The following UNC79 variants were observed in gnomAD, a reference collection of about 807,000 sequenced individuals.
The protein encoded by UNC79 is unc-79 subunit of NALCN channel complex.
A neutral mutation model predicts 283.1 loss-of-function variants in UNC79; 37 were observed. That is an observed-to-expected ratio of 0.13 (90% CI 0.10 to 0.17). The LOEUF (loss-of-function observed/expected upper bound fraction) is 0.17, where lower values mean the gene tolerates loss of function less well. Among genes scored for constraint, UNC79 ranks in the 10% least tolerant of loss-of-function variants. The pLI is 1.00. For synonymous variants in UNC79, 1,107 were observed against 1,200.2 expected (o/e 0.92, Z 1.61); for missense variants, 2,272 against 3,211.1 (o/e 0.71, Z 7.07).
intron 1 of UNC79, among the ~76,000 whole-genome samples, chr14:93,336,410 C>T (rs1411138590): frequency 6.6e-6 from 1 of 152,046 alleles, no homozygotes; most frequent in African/African-American, 2.4e-5. Flanking sequence ...GACGCAATCT[C>T]AGCTCAGTGC....
intron 1 of UNC79, among the ~76,000 whole-genome samples, chr14:93,422,363 A>G (rs1016166449): frequency 1.4e-5 from 2 of 147,240 alleles, no homozygotes; most frequent in Non-Finnish European, 3.1e-5. Context: ...ACCAAAGCTT[A>G]TCATGCAGAT....
chr14:93,435,643 T>G (rs1362859727), intron 1 of UNC79, among the ~76,000 whole-genome samples: 3 of 152,204 alleles, frequency 2.0e-5, no homozygotes, highest in African/African-American at 4.8e-5. Context: ...TACTTCTTTT[T>G]AGATCAGTCA....
chr14:93,581,743 C>T (rs1432540300), intron 19 of UNC79, among the ~76,000 whole-genome samples: 2 of 152,016 alleles, frequency 1.3e-5, no homozygotes, highest in African/African-American at 4.8e-5. Context: ...CCGCCCACCT[C>T]GGCCTCCCAA....
At chr14:93,665,547 T>C (rs2072097960) in intron 40 of UNC79, among the ~76,000 whole-genome samples, 1 of 152,000 alleles carries the variant, frequency 6.6e-6, no homozygotes, top group African/African-American at 2.4e-5. Context: ...CTGAAAGTAT[T>C]ATAAATAAAC....
intron 14 of UNC79, among the ~76,000 whole-genome samples, chr14:93,561,579 C>T (rs2062556663): frequency 6.6e-6 from 1 of 151,868 alleles, no homozygotes; most frequent in Non-Finnish European, 1.5e-5. Context: ...TTAGAAATGG[C>T]TAGGAGAGAG....
At chr14:93,603,874 A>G (rs2065695980) in intron 26 of UNC79, among the ~76,000 whole-genome samples, 1 of 152,156 alleles carries the variant, frequency 6.6e-6, no homozygotes, top group Non-Finnish European at 1.5e-5. Context: ...GCCCCCTAAG[A>G]CAAACCAATA....
rs34406486 is a variant in UNC79, at chr14:93,404,486, T to TAAAAAAAAAA, written c.-350-63177_-350-63176insAAAAAAAAAA. 3.1e-3 allele frequency among the ~76,000 whole-genome samples: 165 copies of TAAAAAAAAAA among 52,990 alleles called. 13 individuals carry two copies. Among genetic ancestry groups the TAAAAAAAAAA allele is most frequent in the Non-Finnish European group, 3.8e-3 (100 of 26,582 alleles). 34.8% of individuals were successfully genotyped at this position (52,990 alleles called of 152,430 possible). On this transcript the variant is annotated intron_variant, in intron 1 of 49. Coordinates refer to the UNC79 transcript ENST00000256339. ...GGCTGAATGACAGAGTGAGACCTTC[T>TAAAAAAAAAA]AAAAAAAATATATATATATATATAT...
intron 1 of UNC79, among the ~76,000 whole-genome samples, chr14:93,462,028 T>TA (rs2140222100): frequency 6.6e-6 from 1 of 151,028 alleles, no homozygotes; most frequent in South Asian, 2.1e-4. Context: ...AAAAATGGGC[T>TA]AGGTGTGGTG....
chr14:93,550,533 A>AAAAG (rs1555449177), intron 14 of UNC79, among the ~76,000 whole-genome samples: 30,582 of 122,152 alleles, frequency 0.25, 6,372 homozygotes, highest in East Asian at 0.66. Context: ...AAAAAAAAAA[A>AAAAG]AAAAAAAAGA....
Position 93,430,975 on chromosome 14 carries a change from A to T in UNC79, c.-55A>T. On this transcript the variant is annotated 5_prime_UTR_variant, in exon 1 of 49. Transcript: ENST00000555664. This position sits in a 1 kb window ranked among gnomAD's most constrained non-coding sequence, Gnocchi z 4.6. Reference sequence around the variant, plus strand: ...TCCTCGCAACATCGCTGGCGGAGCGAGGGAGCTCACACGACACAGATTTTG... The same window carrying T: ...TCCTCGCAACATCGCTGGCGGAGCGTGGGAGCTCACACGACACAGATTTTG... 1 of 698,038 alleles carries T rather than the reference A, an allele frequency of 1.4e-6. No homozygotes were observed. The highest frequency in any genetic ancestry group is 1.5e-5 in the South Asian group (1 of 67,398). The allele number at this position is 698,038 out of a possible 1,614,324, so 43.2% of individuals were successfully genotyped here.
intron 1 of UNC79, chr14:93,397,125 T>G (rs201213425): frequency 1.3e-5 from 2 of 151,872 alleles, no homozygotes; most frequent in African/African-American, 2.4e-5. Context: ...TTTGTTTATT[T>G]TTTATTTTAT....
intron 18 of UNC79, among the ~76,000 whole-genome samples, 158 bp from the exon 19 acceptor site, chr14:93,579,991 A>G (rs978317798): frequency 3.3e-5 from 5 of 152,226 alleles, no homozygotes; most frequent in African/African-American, 1.2e-4. Flanking sequence ...ATGGTCTTGA[A>G]GCCTATATTG....
chr14:93,505,006 G>T (rs2059458200), intron 7 of UNC79, among the ~76,000 whole-genome samples: 1 of 151,906 alleles, frequency 6.6e-6, no homozygotes, highest in African/African-American at 2.4e-5. Context: ...AACATACTTT[G>T]TATTATTTCA....
intron 1 of UNC79, among the ~76,000 whole-genome samples, chr14:93,404,505 T>TATATATAAATATATAC (rs2055183632): frequency 2.1e-5 from 2 of 97,464 alleles, no homozygotes; most frequent in East Asian, 4.8e-4. Context: ...TATATATATA[T>TATATATAAATATATAC]ATATATATAA....
chr14:93,465,348 G>A (rs2057130720), intron 1 of UNC79, among the ~76,000 whole-genome samples: 1 of 152,118 alleles, frequency 6.6e-6, no homozygotes, highest in Non-Finnish European at 1.5e-5. Flanking sequence ...TGAATATATT[G>A]AGTCCCTACT....
chr14:93,529,397 T>A lies in UNC79; in HGVS notation c.1093+71T>A, dbSNP rs950325877. 2.6e-6 allele frequency: 4 copies of A among 1,528,276 alleles called. No individual in the cohort carries two copies. The African/African-American group carries it at 5.5e-5, about 21-fold the overall frequency. The allele number at this position is 1,528,276 out of a possible 1,614,324, so 94.7% of individuals were successfully genotyped here. A position where few individuals can be genotyped will look rare whatever the true frequency, so the allele number is the denominator to read the frequency against. On this transcript the variant is annotated intron_variant, in intron 10 of 48. Coordinates refer to ENST00000555664, the Ensembl canonical transcript of UNC79. ...ATGACATAGTTGCTTTATCTCCTTTTGTACTATTTTATTTTACAAAGACAG... is the reference window on the plus strand; with the variant it reads ...ATGACATAGTTGCTTTATCTCCTTTAGTACTATTTTATTTTACAAAGACAG...
intron 6 of UNC79, 120 bp from the exon 7 acceptor site, chr14:93,497,037 A>G: frequency 1.9e-6 from 2 of 1,073,180 alleles, no homozygotes; most frequent in Non-Finnish European, 2.7e-6. Context: ...ATGAGATTCC[A>G]GGGAAATTAC....
chr14:93,643,834 G>A, intron 34 of UNC79, 137 bp downstream of exon 37: 8 of 1,334,816 alleles, frequency 6.0e-6, no homozygotes, highest in Non-Finnish European at 8.1e-6. Flanking sequence ...ACTCAGACTA[G>A]TTTTAAAAAC....
chr14:93,515,980 A>G lies in UNC79; in HGVS notation c.899-7998A>G, dbSNP rs199538790. On this transcript the variant is annotated intron_variant, in intron 7 of 48. Transcript: ENST00000555664. The stretch of plus-strand genomic sequence containing the variant: ...GAAGTTACATAGTTTAAGATTTTAC[A>G]TCTAAGTATATGATCTATTTGGAAT... 2.6e-5 allele frequency among the ~76,000 whole-genome samples: 4 copies of G among 151,958 alleles called. No homozygotes were observed. In the East Asian group the frequency reaches 7.7e-4, roughly 29 times the overall value.
Sources: gnomAD v4.1 joint callset for allele counts (sites outside exome capture counted in the v4.1 genomes callset) on GRCh38, gnomAD v4.1.1 for gene constraint, Gnocchi (gnomAD v3.1) non-coding constraint, MANE v1.5 for transcripts, NCBI Gene and HGNC (gene_info 2026-07-23, HGNC 2026-07-21) for gene names.